Variants in SPPL2B observed in about 807,000 individuals in gnomAD.
The protein encoded by SPPL2B is signal peptide peptidase-like 2B.
A neutral mutation model predicts 59.7 loss-of-function variants in SPPL2B; 39 were observed. The observed-to-expected ratio is 0.65, with a 90% CI of 0.51 to 0.85. The LOEUF is 0.85. Ranked by LOEUF, SPPL2B falls within the 40% of genes least tolerant of loss-of-function variation. SPPL2B has a pLI of 0.00. For missense variants in SPPL2B, 865 were observed against 849.0 expected (o/e 1.02, Z -0.23); for synonymous variants, 419 against 370.8 (o/e 1.13, Z -1.49).
At position 2,332,367 on chromosome 19, in the gene SPPL2B, G is replaced by A. The variant is rs1300293691; in HGVS notation, c.67-2235G>A. ...GCCTGTGTGCTGGGGTTGGTGTCTG[G>A]CACCAGGGACCTTTGGGACCTTTAG... On this transcript the variant is annotated intron_variant, in intron 1 of 14. Coordinates refer to ENST00000613503, the MANE Select transcript of SPPL2B (RefSeq NM_152988.3). This position sits in a 1 kb window ranked among gnomAD's most constrained non-coding sequence, Gnocchi z 4.6. 6.6e-6 allele frequency among the ~76,000 whole-genome samples: 1 copy of A among 152,210 alleles called. No homozygotes were observed. Among genetic ancestry groups the A allele is most frequent in the Non-Finnish European group, 1.5e-5 (1 of 68,034 alleles).
chr19:2,335,166 C>T (rs559168520), intron 2 of SPPL2B, among the ~76,000 whole-genome samples: 1 of 151,918 alleles, frequency 6.6e-6, no homozygotes, highest in South Asian at 2.1e-4. Flanking sequence ...CCACTTAGTC[C>T]TCATGCCCCG....
At chr19:2,329,209 C>T (rs1968153018) in intron 1 of SPPL2B, among the ~76,000 whole-genome samples, 1 of 152,212 alleles carries the variant, frequency 6.6e-6, no homozygotes, top group South Asian at 2.1e-4. Context: ...CTAGGGGGTG[C>T]GGTGGGGGAA....
At chr19:2,342,556 G>A (rs1469712941) in intron 8 of SPPL2B, 1 of 152,642 alleles carries the variant, frequency 6.6e-6, no homozygotes. Context: ...GGGAGGCTGA[G>A]GCAGGAGAAT....
At chr19:2,338,655 G>C (rs1052883937) in intron 3 of SPPL2B, 97 bp from the exon 4 acceptor site, 17 of 801,954 alleles carry the variant, frequency 2.1e-5, no homozygotes, top group South Asian at 1.2e-4. Context: ...CCCGAGCCTC[G>C]AGTGAGGGTC....
chr19:2,332,949 C>A lies in SPPL2B; in HGVS notation c.67-1653C>A, dbSNP rs1425084125. ...GGGATGGCAGGTGCGGGCGGCTGGA[C>A]TGGGCTCTGCTGGGAGGGGGAGCAG... On this transcript the variant is annotated intron_variant, in intron 1 of 14. Coordinates refer to ENST00000613503, the MANE Select transcript of SPPL2B (RefSeq NM_152988.3). This position sits in a 1 kb window ranked among gnomAD's most constrained non-coding sequence, Gnocchi z 4.6. Among the ~76,000 whole-genome samples, 23 of 130,662 alleles carry A rather than the reference C, an allele frequency of 1.8e-4. No homozygotes were observed. The highest frequency in any genetic ancestry group is 3.7e-4 in the Non-Finnish European group (23 of 61,362). The allele number at this position is 130,662 out of a possible 152,430, so 85.7% of individuals were successfully genotyped here.
intron 2 of SPPL2B, among the ~76,000 whole-genome samples, chr19:2,336,272 G>A (rs1354526475): frequency 3.4e-5 from 3 of 88,742 alleles, no homozygotes; most frequent in African/African-American, 1.1e-4. Context: ...ATGGATGTGT[G>A]AGTGCATGTG....
chr19:2,337,226 C>G, intron 2 of SPPL2B: 3 of 474,510 alleles, frequency 6.3e-6, no homozygotes, highest in Non-Finnish European at 1.1e-5. Context: ...TGTGAGGACT[C>G]CGGCCCCGCT....
At chr19:2,329,301 C>T (rs1236756038) in intron 1 of SPPL2B, among the ~76,000 whole-genome samples, 1 of 152,226 alleles carries the variant, frequency 6.6e-6, no homozygotes, top group Admixed American at 6.5e-5. Flanking sequence ...GGGGTCGGAT[C>T]CCCGCTCCAT....
chr19:2,331,613 A>T (rs886524300), intron 1 of SPPL2B, among the ~76,000 whole-genome samples: 1 of 152,160 alleles, frequency 6.6e-6, no homozygotes, highest in Non-Finnish European at 1.5e-5. Context: ...TGTGGAGAGG[A>T]AAATGCATGA....
chr19:2,339,030 T>G (rs916115182), intron 4 of SPPL2B, 39 bp from the exon 5 acceptor site: 1 of 1,533,822 alleles, frequency 6.5e-7, no homozygotes. Context: ...GGCTGGCGGG[T>G]GGCTCTGACG....
chr19:2,339,702 C>A (rs116674127), intron 5 of SPPL2B, 122 bp from the exon 6 acceptor site: 34 of 1,156,034 alleles, frequency 2.9e-5, no homozygotes, highest in Non-Finnish European at 3.7e-5. Context: ...GCACTTCAGT[C>A]CCCCCCGGGT....
chr19:2,337,635 T>A lies in SPPL2B; in HGVS notation c.369+10T>A. 6.5e-7 allele frequency: 1 copy of A among 1,545,442 alleles called. No homozygotes were observed. The highest frequency in any genetic ancestry group is 1.4e-5 in the African/African-American group (1 of 73,336). On this transcript the variant is annotated intron_variant, in intron 3 of 14. Transcript: ENST00000613503. Reference sequence around the variant, plus strand: ...CAGCAGGGAGAGGCTGGTACGGCCCTGTGCGTCCCCCGCTGGGCCAGCTCT... The same window carrying A: ...CAGCAGGGAGAGGCTGGTACGGCCCAGTGCGTCCCCCGCTGGGCCAGCTCT...
At chr19:2,333,893 A>G (rs1307082179) in intron 1 of SPPL2B, among the ~76,000 whole-genome samples, 1 of 152,170 alleles carries the variant, frequency 6.6e-6, no homozygotes, top group Non-Finnish European at 1.5e-5. Context: ...CTTCATGGGG[A>G]ACATGACGCT....
intron 7 of SPPL2B, 74 bp downstream of exon 7, chr19:2,340,246 G>A (rs1968946967): frequency 2.6e-6 from 3 of 1,162,454 alleles, no homozygotes; most frequent in Admixed American, 2.6e-5. Flanking sequence ...CCGCCCCATA[G>A]CCCCCCATGG....
intron 9 of SPPL2B, 29 bp from the exon 10 acceptor site, chr19:2,343,936 G>A (rs1969204051): frequency 6.5e-7 from 1 of 1,534,572 alleles, no homozygotes; most frequent in South Asian, 1.2e-5. Context: ...GGCCGGGGTG[G>A]GGGCCGCCCT....
rs747205228 is a variant in SPPL2B, at chr19:2,338,775, G to T, written c.393G>T (p.Thr131=). ...ERLVPPGGNK[T]QYDEIGIPVA... is the part of the protein sequence containing the mutation. ...AGGTCCCCCCGGGGGGTAATAAGAC[G>T]CAGTATGATGAGATTGGCATTCCCG... The change falls in exon 4 of 15, where the codon ACG becomes ACT. Residue 131 remains threonine, a synonymous_variant. Transcript: ENST00000613503. The T allele has an allele frequency of 2.5e-6, 4 of 1,613,354 alleles. No homozygotes were observed. Among genetic ancestry groups the T allele is most frequent in the Non-Finnish European group, 1.7e-6 (2 of 1,179,588 alleles).
At position 2,337,578 on chromosome 19, in the gene SPPL2B, C is replaced by T. The variant is rs1254223019; in HGVS notation, c.322C>T (p.Gln108Ter). The change falls in exon 3 of 15, where the codon CAG becomes TAG. Residue 108 changes from glutamine to a stop codon, truncating the protein, a stop_gained. Transcript: ENST00000613503. LOFTEE classifies it high-confidence loss of function. Reference protein sequence around the residue: ...CTFYEKVRLAQGSGARGLLIV... With the variant: ...CTFYEKVRLA ...CTTCTATGAGAAAGTGAGGCTGGCCCAGGGCAGCGGAGCACGCGGGCTGCT... is the reference window on the plus strand; with the variant it reads ...CTTCTATGAGAAAGTGAGGCTGGCCTAGGGCAGCGGAGCACGCGGGCTGCT... 2 of 1,608,076 alleles carry T rather than the reference C, an allele frequency of 1.2e-6. No homozygotes were observed. Among genetic ancestry groups the T allele is most frequent in the Non-Finnish European group, 1.7e-6 (2 of 1,177,610 alleles).
At chr19:2,349,788 A>T (rs1214739733) in intron 13 of SPPL2B, among the ~76,000 whole-genome samples, 1 of 79,764 alleles carries the variant, frequency 1.3e-5, no homozygotes, top group Non-Finnish European at 2.4e-5. Context: ...TTCTCTCTCC[A>T]CACACACTCA....
chr19:2,346,148 G>C (rs1969356524), intron 13 of SPPL2B, among the ~76,000 whole-genome samples: 1 of 152,254 alleles, frequency 6.6e-6, no homozygotes, highest in African/African-American at 2.4e-5. Flanking sequence ...CTGGCCCTAA[G>C]GAAAGAAGCT....
Sources: gnomAD v4.1 joint callset for allele counts (sites outside exome capture counted in the v4.1 genomes callset) on GRCh38, gnomAD v4.1.1 for gene constraint, Gnocchi (gnomAD v3.1) non-coding constraint, MANE v1.5 for transcripts, NCBI Gene and HGNC (gene_info 2026-07-23, HGNC 2026-07-21) for gene names.